LRRC37A2: variants seen among roughly 807,000 people sequenced by gnomAD.
LRRC37A2 encodes leucine rich repeat containing 37 member A2.
A neutral mutation model predicts 68.8 loss-of-function variants in LRRC37A2; 9 were observed. The observed-to-expected ratio is 0.13, with a 90% CI of 0.08 to 0.23. LRRC37A2 has a LOEUF of 0.23. Among genes scored for constraint, LRRC37A2 ranks in the 10% least tolerant of loss-of-function variants. The pLI is 1.00. For synonymous variants in LRRC37A2, 63 were observed against 367.6 expected (o/e 0.17, Z 9.48); for missense variants, 168 against 950.4 (o/e 0.18, Z 10.82).
chr17:46,504,721 CAT>C, the LRRC37A2 span: 1 of 43,688 alleles, frequency 2.3e-5, no homozygotes, highest in East Asian at 3.8e-3. Context: ...TTTTCAGACA[CAT>C]ATCAAGCCTT....
chr17:46,836,095 C>CTGTGT, the LRRC37A2 span, among the ~76,000 whole-genome samples: 4 of 126,434 alleles, frequency 3.2e-5, no homozygotes, highest in Non-Finnish European at 6.5e-5. Context: ...GAGACGCTGA[C>CTGTGT]GTGTGTGTGT....
At chr17:46,496,616 A>C in the LRRC37A2 span, among the ~76,000 whole-genome samples, 1,533 of 87,198 alleles carry the variant, frequency 0.018, 215 homozygotes, top group African/African-American at 0.048. Context: ...AGAAAAAAAA[A>C]AAAACAAAAC....
At chr17:47,027,528 A>G in the LRRC37A2 span, 11 of 1,049,812 alleles carry the variant, frequency 1.0e-5, no homozygotes, top group South Asian at 1.4e-4. Flanking sequence ...TAACTAATCA[A>G]GGCAATATTT....
At chr17:46,548,455 G>A in exon 10 of LRRC37A2, 1 of 1,021,878 alleles carries the variant, frequency 9.8e-7, no homozygotes, top group East Asian at 2.8e-5. Context: ...CTTTGGGAGT[G>A]AGCAGCTAGA....
chr17:46,901,084 T>C, the LRRC37A2 span, among the ~76,000 whole-genome samples: 1 of 152,174 alleles, frequency 6.6e-6, no homozygotes, highest in Admixed American at 6.5e-5. Flanking sequence ...TGAGCTAAGA[T>C]AGGAGGAAGA....
the LRRC37A2 span, chr17:47,049,001 G>C: frequency 0.22 from 110,751 of 496,748 alleles, 15,982 homozygotes; most frequent in East Asian, 0.62. Context: ...GTTCCAAGTA[G>C]ATGGCCGTGT....
the LRRC37A2 span, among the ~76,000 whole-genome samples, chr17:46,793,271 CT>C: frequency 1.2e-4 from 2 of 16,758 alleles, no homozygotes; most frequent in Non-Finnish European, 3.0e-4. Context: ...GAGACCCTGT[CT>C]AAAAAAAAAA....
the LRRC37A2 span, among the ~76,000 whole-genome samples, chr17:46,717,915 C>G: frequency 2.0e-5 from 3 of 152,184 alleles, no homozygotes; most frequent in Non-Finnish European, 2.9e-5. Flanking sequence ...TGAGCTCAGC[C>G]TTCAGCAAGA....
the LRRC37A2 span, among the ~76,000 whole-genome samples, chr17:46,810,152 T>A: frequency 6.6e-6 from 1 of 151,426 alleles, no homozygotes; most frequent in South Asian, 2.1e-4. Flanking sequence ...GATTACAGGC[T>A]CCCACCACCA....
the LRRC37A2 span, among the ~76,000 whole-genome samples, chr17:46,824,388 A>G: frequency 6.6e-6 from 1 of 152,174 alleles, no homozygotes; most frequent in African/African-American, 2.4e-5. Context: ...AGCTGAGATT[A>G]CAGGCGCTCG....
At chr17:46,488,775 T>C in the LRRC37A2 span, among the ~76,000 whole-genome samples, 2 of 132,318 alleles carry the variant, frequency 1.5e-5, no homozygotes, top group Non-Finnish European at 3.2e-5. Flanking sequence ...AAAATTATCT[T>C]CTATAAAACT....
At chr17:46,803,189 G>T in the LRRC37A2 span, among the ~76,000 whole-genome samples, 1 of 152,224 alleles carries the variant, frequency 6.6e-6, no homozygotes, top group African/African-American at 2.4e-5. Context: ...TTATTGCAGG[G>T]TGAAAGCAGA....
chr17:46,773,714 G>A, the LRRC37A2 span: 1 of 1,612,676 alleles, frequency 6.2e-7, no homozygotes, highest in South Asian at 1.1e-5. Context: ...CATCTATGGT[G>A]GTGCAGTTCC....
the LRRC37A2 span, among the ~76,000 whole-genome samples, chr17:46,730,976 C>CA: frequency 0.67 from 102,402 of 151,896 alleles, 35,691 homozygotes; most frequent in South Asian, 0.82. Context: ...GAATGTTCCT[C>CA]AAGAGGTTAA....
the LRRC37A2 span, among the ~76,000 whole-genome samples, chr17:46,896,363 GAA>G: frequency 4.2e-5 from 6 of 142,316 alleles, no homozygotes; most frequent in Middle Eastern, 3.5e-3. Context: ...GAAAAAGAAA[GAA>G]AGAGAGAGAG....
chr17:46,478,325 A>G, the LRRC37A2 span, among the ~76,000 whole-genome samples: 1 of 71,118 alleles, frequency 1.4e-5, no homozygotes, highest in African/African-American at 5.0e-5. Flanking sequence ...CCAAACTTAA[A>G]TAATCACCGG....
At chr17:47,022,168 C>CTCTTTTTTTTTTTTTTTTTTTTT in the LRRC37A2 span, among the ~76,000 whole-genome samples, 1 of 19,714 alleles carries the variant, frequency 5.1e-5, no homozygotes, top group Non-Finnish European at 1.4e-4. Flanking sequence ...TTTTTGTTCT[C>CTCTTTTTTTTTTTTTTTTTTTTT]TTTTTTTTTT....
At chr17:46,940,216 G>T in the LRRC37A2 span, 1 of 1,415,266 alleles carries the variant, frequency 7.1e-7, no homozygotes, top group African/African-American at 1.4e-5. Flanking sequence ...AATTGTCATA[G>T]ATTAACTGAG....
the LRRC37A2 span, chr17:46,973,126 A>G: frequency 1.3e-5 from 2 of 152,900 alleles, no homozygotes; most frequent in African/African-American, 4.9e-5. Context: ...CATGTGTGCA[A>G]CCCACATGTG....
Sources: allele counts gnomAD v4.1 joint callset (sites outside exome capture counted in the v4.1 genomes callset), GRCh38; gene constraint gnomAD v4.1.1; transcripts MANE v1.5; gene names NCBI Gene and HGNC (gene_info 2026-07-23, HGNC 2026-07-21).